The following CFHR4 variants were observed in gnomAD, a reference collection of about 807,000 sequenced individuals.
CFHR4 encodes complement factor H-related protein 4.
Under a neutral mutation model 69.3 loss-of-function variants are expected in CFHR4, and 64 were observed. The ratio of observed to expected loss-of-function variants is 0.92; its 90% CI spans 0.76 to 1.14. CFHR4 has a LOEUF of 1.14. Among genes scored for constraint, CFHR4 ranks in the 50% most tolerant of loss-of-function variants. The pLI is 0.00. For synonymous variants in CFHR4, 244 were observed against 237.0 expected, an observed-to-expected ratio of 1.03 and a Z score of -0.27; for missense variants, 636 against 684.9, an observed-to-expected ratio of 0.93 and a Z score of 0.80.
At chr1:196,915,781 T>C (rs1301548519) in intron 9 of CFHR4, among the ~76,000 whole-genome samples, 2 of 151,622 alleles carry the variant, frequency 1.3e-5, no homozygotes, top group African/African-American at 4.9e-5. Flanking sequence ...ATCCATTTAT[T>C]GCGCACATAT....
At chr1:196,909,489 C>T (rs950467177) in intron 5 of CFHR4, among the ~76,000 whole-genome samples, 6 of 151,104 alleles carry the variant, frequency 4.0e-5, no homozygotes, top group Non-Finnish European at 7.4e-5. Flanking sequence ...TGTAAACAGC[C>T]CCTGAATGTA....
chr1:196,917,180 G>C (rs1452061838), intron 9 of CFHR4, among the ~76,000 whole-genome samples: 2 of 151,730 alleles, frequency 1.3e-5, no homozygotes, highest in Non-Finnish European at 2.9e-5. Flanking sequence ...AATTTCTAAA[G>C]AAATGCTAAT....
intron 1 of CFHR4, among the ~76,000 whole-genome samples, chr1:196,892,966 C>G (rs550800155): frequency 6.6e-6 from 1 of 151,404 alleles, no homozygotes; most frequent in South Asian, 2.1e-4. Flanking sequence ...CATTAATAAC[C>G]CTAATATTAA....
chr1:196,917,329 G>C (rs1471207465), intron 9 of CFHR4, among the ~76,000 whole-genome samples: 1 of 151,850 alleles, frequency 6.6e-6, no homozygotes, highest in Admixed American at 6.6e-5. Context: ...TTAATACCTA[G>C]GGTATGGGTT....
intron 1 of CFHR4, 118 bp downstream of exon 1, chr1:196,888,326 G>A (rs1656836406): frequency 1.1e-6 from 1 of 915,140 alleles, no homozygotes; most frequent in Non-Finnish European, 1.7e-6. Flanking sequence ...CACTATGCTA[G>A]CAGAAGTAGC....
chr1:196,896,672 T>C (rs1657311180), intron 1 of CFHR4, among the ~76,000 whole-genome samples: 1 of 151,468 alleles, frequency 6.6e-6, no homozygotes, highest in Non-Finnish European at 1.5e-5. Context: ...GGAGCTAAAA[T>C]TGACTGAATG....
chr1:196,903,427 C>A (rs756943317), intron 2 of CFHR4, among the ~76,000 whole-genome samples: 2 of 150,812 alleles, frequency 1.3e-5, no homozygotes, highest in Non-Finnish European at 2.9e-5. Flanking sequence ...CCGAGACGGG[C>A]AGATCACTTT....
chr1:196,918,136 C>T (rs1181244153), intron 9 of CFHR4, 74 bp from the exon 10 acceptor site: 14 of 1,424,880 alleles, frequency 9.8e-6, no homozygotes, highest in African/African-American at 1.5e-5. Context: ...TCCTAAACTA[C>T]TCATTAGGAT....
At position 196,910,216 on chromosome 1, in the gene CFHR4, A is replaced by T. The variant is rs1005565320; in HGVS notation, c.800-65A>T. On this transcript the variant is annotated intron_variant, in intron 5 of 9. Transcript: ENST00000608469. ...GGAAGGTAACATAATCAAAACAGTC[A>T]TCTCTTATATCATTGTCTGTTACAG... 3.5e-5 allele frequency: 30 copies of T among 858,038 alleles called. No individual in the cohort carries two copies. The African/African-American group carries it at 4.9e-4, about 14-fold the overall frequency. The allele number at this position is 858,038 out of a possible 1,614,324, so 53.2% of individuals were successfully genotyped here. A position where few individuals can be genotyped will look rare whatever the true frequency, so the allele number is the denominator to read the frequency against.
chr1:196,918,541 T>A lies in CFHR4; in HGVS notation c.*135T>A. ...AGAAAATTAATATAATAGTTTCAAT[T>A]TGCAACTTAATATGTTCTCAAAAAT... is the stretch of plus-strand genomic sequence containing the variant. On this transcript the variant is annotated 3_prime_UTR_variant, in exon 10 of 10. Coordinates refer to ENST00000608469, the MANE Select transcript of CFHR4 (RefSeq NM_001201550.3). 1.1e-6 allele frequency: 1 copy of A among 906,002 alleles called. No individual in the cohort carries two copies. Among genetic ancestry groups the A allele is most frequent in the Non-Finnish European group, 1.7e-6 (1 of 580,810 alleles). 56.1% of individuals were successfully genotyped at this position (906,002 alleles called of 1,614,324 possible). A position where few individuals can be genotyped will look rare whatever the true frequency, so the allele number is the denominator to read the frequency against.
chr1:196,907,249 A>G (rs1657962050), intron 4 of CFHR4, 67 bp from the exon 5 acceptor site: 2 of 1,378,570 alleles, frequency 1.5e-6, no homozygotes. Flanking sequence ...AGTATATAAA[A>G]AGCTTTATTC....
rs543983668 is a variant in CFHR4, at chr1:196,890,074, A to T, written c.58+1866A>T. 1.6e-4 allele frequency among the ~76,000 whole-genome samples: 24 copies of T among 151,626 alleles called. No individual in the cohort carries two copies. The South Asian group carries it at 4.8e-3, about 30-fold the overall frequency. On this transcript the variant is annotated intron_variant, in intron 1 of 9. Coordinates refer to ENST00000608469, the MANE Select transcript of CFHR4 (RefSeq NM_001201550.3). ...AAGATAAATACAATGATTTTACACA[A>T]TTTATTAAAAGAATATTAACTTAAA...
At chr1:196,917,606 T>C (rs1658720860) in intron 9 of CFHR4, among the ~76,000 whole-genome samples, 1 of 151,270 alleles carries the variant, frequency 6.6e-6, no homozygotes, top group African/African-American at 2.4e-5. Context: ...AAAATGAAGA[T>C]GACAGGGATA....
chr1:196,895,271 T>C (rs897437606), intron 1 of CFHR4, among the ~76,000 whole-genome samples: 2 of 151,456 alleles, frequency 1.3e-5, no homozygotes, highest in African/African-American at 4.9e-5. Flanking sequence ...AGTTTGATTA[T>C]AATGTATCTT....
chr1:196,904,789 T>C (rs1420433593), intron 2 of CFHR4, among the ~76,000 whole-genome samples: 1 of 151,584 alleles, frequency 6.6e-6, no homozygotes, highest in Non-Finnish European at 1.5e-5. Flanking sequence ...ACCAGAAAGG[T>C]TCAGGTTATT....
rs536670636 is a variant in CFHR4 at position 196,909,982 on chromosome 1, T to C, written c.800-299T>C. 8.2e-4 allele frequency among the ~76,000 whole-genome samples: 124 copies of C among 150,956 alleles called. 1 individual carries two copies. Among genetic ancestry groups the C allele is most frequent in the Middle Eastern group, 6.8e-3 (2 of 294 alleles). Reference sequence around the variant, plus strand: ...GCCTGACCAATATGGTAAAACTCTGTGTCTACTAAAATTACAAAAATTAGA... The same window carrying C: ...GCCTGACCAATATGGTAAAACTCTGCGTCTACTAAAATTACAAAAATTAGA... On this transcript the variant is annotated intron_variant, in intron 5 of 9. Coordinates refer to ENST00000608469, the MANE Select transcript of CFHR4 (RefSeq NM_001201550.3).
chr1:196,916,578 G>T (rs1658646766), intron 9 of CFHR4, among the ~76,000 whole-genome samples: 4 of 151,848 alleles, frequency 2.6e-5, no homozygotes, highest in South Asian at 2.1e-4. Context: ...CCAAGTTTGA[G>T]CTCCAAACTA....
In CFHR4 at chr1:196,909,424, T is replaced by C. The variant is rs185678969; in HGVS notation, c.800-857T>C. Among the ~76,000 whole-genome samples the C allele has an allele frequency of 1.7e-3, 260 of 151,648 alleles. 8 individuals carry two copies. The highest frequency in any genetic ancestry group is 5.8e-3 in the African/African-American group (241 of 41,206). On this transcript the variant is annotated intron_variant, in intron 5 of 9. Coordinates refer to ENST00000608469, the MANE Select transcript of CFHR4 (RefSeq NM_001201550.3). ...GAACAGCAGAAAACTTTAGAAACTTTTGAAAAATATGTTTGGAGAAGTATG... is the reference window on the plus strand; with the variant it reads ...GAACAGCAGAAAACTTTAGAAACTTCTGAAAAATATGTTTGGAGAAGTATG...
intron 1 of CFHR4, among the ~76,000 whole-genome samples, chr1:196,894,907 C>CAACAACAAA (rs1005477737): frequency 1.9e-4 from 29 of 150,934 alleles, no homozygotes; most frequent in African/African-American, 7.1e-4. Context: ...ACAACAACAA[C>CAACAACAAA]AAATTATTCA....
Sources: gnomAD v4.1 joint callset for allele counts (sites outside exome capture counted in the v4.1 genomes callset) on GRCh38, gnomAD v4.1.1 for gene constraint, MANE v1.5 for transcripts, NCBI Gene and HGNC (gene_info 2026-07-23, HGNC 2026-07-21) for gene names.